C4orf51: variants seen among roughly 807,000 people sequenced by gnomAD.
The protein encoded by C4orf51 is chromosome 4 open reading frame 51.
In C4orf51, 25 loss-of-function variants were observed where a neutral mutation model predicts 25.2. The observed-to-expected ratio is 0.99, with a 90% CI of 0.72 to 1.39. C4orf51 has a LOEUF of 1.39. Among genes scored for constraint, C4orf51 ranks in the 40% most tolerant of loss-of-function variants. C4orf51 has a pLI of 0.00. For missense variants in C4orf51, 252 were observed against 239.6 expected (o/e 1.05, Z -0.34); for synonymous variants, 100 against 84.5 (o/e 1.18, Z -1.01).
chr4:145,728,975 G>T (rs1239845617), intron 3 of C4orf51, among the ~76,000 whole-genome samples, 194 bp from the exon 4 acceptor site: 1 of 151,472 alleles, frequency 6.6e-6, no homozygotes, highest in Non-Finnish European at 1.5e-5. Context: ...TGAACTCCTG[G>T]GCTTAAACAA....
chr4:145,720,184 A>G (rs978682779), intron 2 of C4orf51, among the ~76,000 whole-genome samples: 2 of 152,054 alleles, frequency 1.3e-5, no homozygotes, highest in African/African-American at 4.8e-5. Context: ...GGCACTCTAC[A>G]CTGGCCCTGG....
At chr4:145,760,916 T>G (rs1381565400) in intron 1 of C4orf51, 9 of 1,233,688 alleles carry the variant, frequency 7.3e-6, no homozygotes, top group Non-Finnish European at 9.3e-6. Flanking sequence ...TATAACATTG[T>G]CAAGGGAATG....
chr4:145,680,221 C>T lies in C4orf51; in HGVS notation c.18C>T (p.Tyr6=), dbSNP rs753429430. The T allele has an allele frequency of 3.5e-5, 57 of 1,613,354 alleles. No individual in the cohort carries two copies. The East Asian group carries it at 1.2e-3, about 35-fold the overall frequency. MSHYF[Y]LTPQILLPFS... ...TCGTAGTTATGTCACACTACTTCTA[C>T]TTGACTCCACAAATTCTTCTGCCCT... Residue 6 remains tyrosine (Y), a synonymous_variant, in exon 1 of 6, where the codon TAC becomes TAT. Coordinates refer to ENST00000438731, the MANE Select transcript of C4orf51 (RefSeq NM_001080531.3).
At chr4:145,703,284 C>T (rs1434367225) in intron 2 of C4orf51, among the ~76,000 whole-genome samples, 1 of 151,804 alleles carries the variant, frequency 6.6e-6, no homozygotes, top group African/African-American at 2.4e-5. Flanking sequence ...TCAAAAGCAC[C>T]CCCACTGAGC....
At chr4:145,700,124 T>C (rs1730333671) in intron 2 of C4orf51, among the ~76,000 whole-genome samples, 1 of 123,218 alleles carries the variant, frequency 8.1e-6, no homozygotes, top group African/African-American at 3.2e-5. Context: ...CAACCTCTTA[T>C]CTCTGTGCCC....
downstream of C4orf51, among the ~76,000 whole-genome samples, chr4:145,754,720 A>G (rs1429382500): frequency 6.6e-6 from 1 of 152,194 alleles, no homozygotes; most frequent in Non-Finnish European, 1.5e-5. Flanking sequence ...GTATCACTTG[A>G]GGTCAGGAGT....
downstream of C4orf51, among the ~76,000 whole-genome samples, chr4:145,755,934 C>T (rs556456018): frequency 8.5e-5 from 13 of 152,268 alleles, no homozygotes; most frequent in African/African-American, 2.9e-4. Flanking sequence ...GGGAAGGGTT[C>T]CAGTTCTATA....
At chr4:145,760,896 G>A (rs1404568982) in intron 1 of C4orf51, 32 of 1,232,408 alleles carry the variant, frequency 2.6e-5, no homozygotes, top group Non-Finnish European at 3.0e-5. Context: ...GATCCAAGTG[G>A]TTCTTGGGGT....
chr4:145,705,999 ATCCG>A (rs1410210100), intron 2 of C4orf51, among the ~76,000 whole-genome samples: 15 of 152,116 alleles, frequency 9.9e-5, no homozygotes, highest in African/African-American at 3.6e-4. Flanking sequence ...TACATTACCC[ATCCG>A]TCTTATTTCT....
downstream of C4orf51, among the ~76,000 whole-genome samples, chr4:145,757,191 G>A (rs1734011045): frequency 6.6e-6 from 1 of 152,074 alleles, no homozygotes; most frequent in South Asian, 2.1e-4. Flanking sequence ...TTATTATTTA[G>A]TTTGCAAAAC....
At chr4:145,738,609 A>G (rs1430768287) in intron 1 of C4orf51, among the ~76,000 whole-genome samples, 1 of 151,960 alleles carries the variant, frequency 6.6e-6, no homozygotes, top group South Asian at 2.1e-4. Flanking sequence ...GAACCATAAG[A>G]CTACTTTAAA....
At position 145,687,882 on chromosome 4, in the gene C4orf51, AT is replaced by A. The variant is rs544617052; in HGVS notation, c.233+7451del. ...TTTAAGTAAAGAAAAAGCACACATG[AT>A]TTTTATAATAAAGGAAAACATCGCA... On this transcript the variant is annotated intron_variant, in intron 1 of 5. Coordinates refer to ENST00000438731, the MANE Select transcript of C4orf51 (RefSeq NM_001080531.3). Among the ~76,000 whole-genome samples the A allele has an allele frequency of 1.5e-3, 231 of 152,334 alleles. 4 individuals are homozygous for A. Among genetic ancestry groups the A allele is most frequent in the Admixed American group, 4.4e-3 (68 of 15,306 alleles).
At chr4:145,785,011 A>C in the C4orf51 span, among the ~76,000 whole-genome samples, 6 of 151,960 alleles carry the variant, frequency 3.9e-5, no homozygotes, top group Non-Finnish European at 8.8e-5. Context: ...CTACTTTTCC[A>C]CCTATGATGT....
downstream of C4orf51, among the ~76,000 whole-genome samples, chr4:145,733,748 C>G (rs1006943994): frequency 3.3e-5 from 5 of 152,196 alleles, no homozygotes; most frequent in African/African-American, 1.2e-4. Flanking sequence ...TCCCGGCAAC[C>G]TTCGTATGGT....
intron 2 of C4orf51, among the ~76,000 whole-genome samples, chr4:145,718,986 C>G (rs374386740): frequency 6.6e-6 from 1 of 152,216 alleles, no homozygotes; most frequent in Non-Finnish European, 1.5e-5. Context: ...TTCTCAGCGT[C>G]TTCATCTCTA....
chr4:145,766,479 T>TTC (rs1735314028), intron 1 of C4orf51, among the ~76,000 whole-genome samples: 1 of 152,174 alleles, frequency 6.6e-6, no homozygotes, highest in Admixed American at 6.5e-5. Context: ...ACTGATCAGT[T>TTC]TCCTGCCTTG....
intron 2 of C4orf51, among the ~76,000 whole-genome samples, chr4:145,715,112 A>G (rs1374920679): frequency 6.6e-6 from 1 of 152,190 alleles, no homozygotes; most frequent in Non-Finnish European, 1.5e-5. Flanking sequence ...AGAACAGGCT[A>G]CAGGGGAAGG....
intron 2 of C4orf51, among the ~76,000 whole-genome samples, chr4:145,706,583 C>A (rs373619777): frequency 6.6e-6 from 1 of 152,272 alleles, no homozygotes; most frequent in East Asian, 1.9e-4. Flanking sequence ...CATGCCATTC[C>A]AGTCAAAGCC....
chr4:145,701,484 C>A (rs1730438823), intron 2 of C4orf51, among the ~76,000 whole-genome samples: 1 of 149,522 alleles, frequency 6.7e-6, no homozygotes, highest in African/African-American at 2.6e-5. Flanking sequence ...GTTCAACTCA[C>A]CTGGCAGCCA....
Sources: allele counts gnomAD v4.1 joint callset (sites outside exome capture counted in the v4.1 genomes callset), GRCh38; gene constraint gnomAD v4.1.1; transcripts MANE v1.5; gene names NCBI Gene and HGNC (gene_info 2026-07-23, HGNC 2026-07-21).